NRXN3: variants seen among roughly 807,000 people sequenced by gnomAD.
NRXN3 encodes the protein neurexin III.
NRXN3 carries 32 observed loss-of-function variants against 137.6 expected under a neutral mutation model. The ratio of observed to expected loss-of-function variants is 0.23; its 90% CI spans 0.18 to 0.31. The LOEUF (loss-of-function observed/expected upper bound fraction) is 0.31, where lower values mean the gene tolerates loss of function less well. NRXN3 is among the 10% of genes least tolerant of loss of function. NRXN3 has a pLI of 1.00. For synonymous variants in NRXN3, 798 were observed against 784.5 expected (o/e 1.02, Z -0.29); for missense variants, 1,574 against 2,062.5 (o/e 0.76, Z 4.59).
chr14:78,650,428 T>C (rs1393689339), intron 5 of NRXN3, among the ~76,000 whole-genome samples: 4 of 152,174 alleles, frequency 2.6e-5, no homozygotes, highest in Non-Finnish European at 5.9e-5. Context: ...TTATTATTTT[T>C]ATTGTTTTGG....
intron 8 of NRXN3, among the ~76,000 whole-genome samples, chr14:78,796,158 C>T (rs1480244106): frequency 6.6e-6 from 1 of 152,194 alleles, no homozygotes; most frequent in Non-Finnish European, 1.5e-5. Context: ...AGGGTATAAG[C>T]TCTATACCAA....
intron 20 of NRXN3, among the ~76,000 whole-genome samples, chr14:79,827,338 A>T (rs544748049): frequency 6.6e-6 from 1 of 152,282 alleles, no homozygotes; most frequent in Admixed American, 6.5e-5. Flanking sequence ...GTGACAGCTA[A>T]GAGGAAGAAA....
intron 15 of NRXN3, among the ~76,000 whole-genome samples, chr14:79,044,101 G>C (rs1025196933): frequency 2.0e-5 from 3 of 152,184 alleles, no homozygotes; most frequent in African/African-American, 7.2e-5. Flanking sequence ...GATGGAGTTT[G>C]TACTCTTTGA....
Position 78,186,974 on chromosome 14 carries a change from C to T in NRXN3, c.-704+16300C>T, listed in dbSNP as rs184028066. Among the ~76,000 whole-genome samples the T allele has an allele frequency of 1.4e-3, 210 of 152,312 alleles. 1 individual carries two copies. The highest frequency in any genetic ancestry group is 1.2e-3 in the Non-Finnish European group (80 of 68,030). On this transcript the variant is annotated intron_variant, in intron 1 of 20. Coordinates refer to ENST00000335750, the MANE Select transcript of NRXN3 (RefSeq NM_001330195.2). ...AATTTCAGAAAACAGTCATGGAATA[C>T]CTGCATGCCAGGACTATCTTGGACA...
chr14:79,079,391 G>A (rs1391894875), intron 15 of NRXN3, among the ~76,000 whole-genome samples: 1 of 152,014 alleles, frequency 6.6e-6, no homozygotes, highest in African/African-American at 2.4e-5. Flanking sequence ...CTGAAATAAT[G>A]GTTTCTCCAT....
At chr14:78,458,405 G>C (rs2094816262) in intron 4 of NRXN3, among the ~76,000 whole-genome samples, 1 of 152,188 alleles carries the variant, frequency 6.6e-6, no homozygotes, top group Admixed American at 6.5e-5. Flanking sequence ...CCAAATCTAT[G>C]CCCAAGGCAG....
intron 16 of NRXN3, among the ~76,000 whole-genome samples, chr14:79,473,061 G>A (rs548372937): frequency 4.6e-5 from 7 of 152,194 alleles, no homozygotes; most frequent in South Asian, 4.1e-4. Context: ...TATGTGTTAA[G>A]ATATCTGTTT....
chr14:79,124,419 T>G (rs2056034092), intron 15 of NRXN3, among the ~76,000 whole-genome samples: 1 of 152,184 alleles, frequency 6.6e-6, no homozygotes, highest in Admixed American at 6.5e-5. Context: ...GTCTTTATTA[T>G]TTAATCTCTG....
At chr14:78,173,354 A>G (rs1214377904) in intron 1 of NRXN3, among the ~76,000 whole-genome samples, 1 of 152,120 alleles carries the variant, frequency 6.6e-6, no homozygotes, top group Non-Finnish European at 1.5e-5. Flanking sequence ...CTTGGTCGTA[A>G]TTAGCCCACT....
At chr14:79,652,055 C>T (rs1402407696) in intron 16 of NRXN3, among the ~76,000 whole-genome samples, 2 of 152,168 alleles carry the variant, frequency 1.3e-5, no homozygotes, top group East Asian at 3.9e-4. Context: ...TTATAGATGA[C>T]CTCCAGTGGA....
intron 16 of NRXN3, among the ~76,000 whole-genome samples, chr14:79,601,135 C>T (rs377277254): frequency 6.7e-6 from 1 of 149,156 alleles, no homozygotes; most frequent in East Asian, 2.0e-4. Context: ...CCTCCGACTC[C>T]GTGGTTCAAG....
intron 3 of NRXN3, chr14:78,282,104 T>C (rs1410477676): frequency 4.0e-6 from 2 of 496,362 alleles, no homozygotes; most frequent in African/African-American, 3.9e-5. Context: ...AAAGGACCTA[T>C]CCAAGGCCAT....
At position 79,373,608 on chromosome 14, in the gene NRXN3, A is replaced by C. The variant is rs115879203; in HGVS notation, c.3263-93613A>C. Among the ~76,000 whole-genome samples the C allele has an allele frequency of 3.7e-3, 562 of 152,286 alleles. 2 individuals are homozygous for C. The highest frequency in any genetic ancestry group is 0.013 in the African/African-American group (520 of 41,554). ...CAATTCTTTCAATAATATACGGTTC[A>C]GTGGCTATAATTACAGGATTGTTAA... On this transcript the variant is annotated intron_variant, in intron 15 of 20. Transcript: ENST00000335750.
At chr14:79,852,410 C>G (rs764762249) in intron 20 of NRXN3, among the ~76,000 whole-genome samples, 7 of 152,064 alleles carry the variant, frequency 4.6e-5, no homozygotes, top group Non-Finnish European at 1.0e-4. Context: ...GCCCCTAATC[C>G]TAGCTTGCTG....
intron 4 of NRXN3, among the ~76,000 whole-genome samples, chr14:78,447,051 CA>C (rs1358008397): frequency 6.6e-6 from 1 of 152,202 alleles, no homozygotes; most frequent in African/African-American, 2.4e-5. Context: ...ACTACATGGT[CA>C]CTCTCATCTC....
intron 15 of NRXN3, among the ~76,000 whole-genome samples, chr14:79,328,502 C>CA (rs2091233783): frequency 6.6e-6 from 1 of 152,022 alleles, no homozygotes; most frequent in South Asian, 2.1e-4. Flanking sequence ...GTCCCTTTTT[C>CA]AAAAAGCAAT....
At chr14:79,709,576 C>T (rs985260862) in intron 19 of NRXN3, among the ~76,000 whole-genome samples, 1 of 152,096 alleles carries the variant, frequency 6.6e-6, no homozygotes, top group Non-Finnish European at 1.5e-5. Context: ...TTTTAATCCA[C>T]GGTAACAATG....
At chr14:78,510,099 G>A (rs772371344) in intron 4 of NRXN3, among the ~76,000 whole-genome samples, 4 of 149,994 alleles carry the variant, frequency 2.7e-5, no homozygotes, top group Non-Finnish European at 4.4e-5. Context: ...CATACTAGTT[G>A]CAAGGGTAGC....
chr14:78,353,706 G>T (rs916112709), intron 4 of NRXN3, among the ~76,000 whole-genome samples: 1 of 152,162 alleles, frequency 6.6e-6, no homozygotes, highest in Non-Finnish European at 1.5e-5. Context: ...CTAGGCATTT[G>T]GGACTAAGGG....
Sources: allele counts gnomAD v4.1 joint callset (sites outside exome capture counted in the v4.1 genomes callset), GRCh38; gene constraint gnomAD v4.1.1; transcripts MANE v1.5; gene names NCBI Gene and HGNC (gene_info 2026-07-23, HGNC 2026-07-21).